ARHGEF10L: variants seen among roughly 807,000 people sequenced by gnomAD.
The protein encoded by ARHGEF10L is Rho guanine nucleotide exchange factor 10 like, also known as rho guanine nucleotide exchange factor 10-like protein.
ARHGEF10L carries 69 observed loss-of-function variants against 141.2 expected under a neutral mutation model. The observed-to-expected ratio is 0.49, with a 90% CI of 0.40 to 0.60. ARHGEF10L has a LOEUF of 0.60. ARHGEF10L is among the 20% of genes least tolerant of loss of function. The pLI, the probability that ARHGEF10L is intolerant of heterozygous loss-of-function variation, is 0.00. For missense variants in ARHGEF10L, 1,482 were observed against 1,734.3 expected (o/e 0.85, Z 2.58); for synonymous variants, 711 against 718.5 (o/e 0.99, Z 0.17).
chr1:17,580,508 C>T (rs777621033), intron 1 of ARHGEF10L, 45 bp from the exon 2 acceptor site: 377 of 1,551,538 alleles, frequency 2.4e-4, no homozygotes, highest in Non-Finnish European at 3.1e-4. Flanking sequence ...GCTGAAACTG[C>T]AGCCCTGACT....
At position 17,656,212 on chromosome 1, in the gene ARHGEF10L, C is replaced by A. The variant is rs964337558; in HGVS notation, c.2705+110C>A. Reference sequence around the variant, plus strand: ...GCCTGTTGCCCACCAACATTCTCTGCCCCTGGTCTCCAGGAAGGTGGGCAC... The same window carrying A: ...GCCTGTTGCCCACCAACATTCTCTGACCCTGGTCTCCAGGAAGGTGGGCAC... On this transcript the variant is annotated intron_variant, in intron 24 of 28. Transcript: ENST00000361221. This position sits in a 1 kb window ranked among gnomAD's most constrained non-coding sequence, Gnocchi z 4.9. 4.2e-5 allele frequency: 54 copies of A among 1,282,448 alleles called. No individual in the cohort carries two copies. In the African/African-American group the frequency reaches 7.6e-4, roughly 18 times the overall value. The allele number at this position is 1,282,448 out of a possible 1,614,324, so 79.4% of individuals were successfully genotyped here.
At chr1:17,539,431 A>G (rs1189707667), upstream of ARHGEF10L, among the ~76,000 whole-genome samples, 1 of 151,378 alleles carries the variant, frequency 6.6e-6, no homozygotes, top group Non-Finnish European at 1.5e-5. The surrounding 1 kb of genome is among the most constrained non-coding windows in gnomAD (Gnocchi z 6.0). Context: ...GGAAGTGGGG[A>G]CCCCGGGGTA....
chr1:17,682,707 A>AG (rs1191110308), intron 26 of ARHGEF10L, among the ~76,000 whole-genome samples: 2 of 152,014 alleles, frequency 1.3e-5, no homozygotes, highest in Non-Finnish European at 2.9e-5. Context: ...ATGGAGGCTG[A>AG]GGGGGCAGGA....
chr1:17,682,932 G>A (rs2064238824), intron 26 of ARHGEF10L, among the ~76,000 whole-genome samples: 2 of 152,154 alleles, frequency 1.3e-5, no homozygotes, highest in Non-Finnish European at 2.9e-5. Context: ...TGGTTGGGAG[G>A]AGAGCAGAGT....
At chr1:17,676,307 G>T (rs575347531) in intron 26 of ARHGEF10L, among the ~76,000 whole-genome samples, 1 of 149,454 alleles carries the variant, frequency 6.7e-6, no homozygotes, top group Admixed American at 6.6e-5. Context: ...GTAGATGCAG[G>T]TGTGGGTACA....
chr1:17,624,244 C>T (rs942904240), intron 12 of ARHGEF10L, 143 bp from the exon 13 acceptor site: 23 of 709,220 alleles, frequency 3.2e-5, no homozygotes, highest in South Asian at 1.7e-4. Flanking sequence ...TTGCACAGCT[C>T]GAGGTCCCAA....
chr1:17,631,863 T>C (rs1313360676), intron 15 of ARHGEF10L, among the ~76,000 whole-genome samples: 3 of 152,252 alleles, frequency 2.0e-5, no homozygotes, highest in African/African-American at 7.2e-5. Flanking sequence ...ATCTGAGCAG[T>C]AGAGGTATCT....
chr1:17,669,846 T>G (rs1342360560), intron 26 of ARHGEF10L, among the ~76,000 whole-genome samples: 1 of 151,794 alleles, frequency 6.6e-6, no homozygotes, highest in African/African-American at 2.4e-5. Context: ...GAGCTCGGAG[T>G]CCAGTGTGCA....
At chr1:17,657,942 G>A (rs1267830715) in intron 25 of ARHGEF10L, among the ~76,000 whole-genome samples, 3 of 152,216 alleles carry the variant, frequency 2.0e-5, no homozygotes, top group Non-Finnish European at 2.9e-5. Flanking sequence ...AGGAGGTGAG[G>A]CTGCCCTGAC....
In ARHGEF10L at chr1:17,627,395, G is replaced by C; in HGVS notation, c.1476G>C (p.Glu492Asp). The part of the protein sequence containing the change: ...DRLSLQLALT[E>D]LETLAEKLNE... ...TGTCGCTGCAGCTGGCCCTCACAGAGCTGGAGACGCTGGCTGAGAAGCTGA... is the reference window on the plus strand; with the variant it reads ...TGTCGCTGCAGCTGGCCCTCACAGACCTGGAGACGCTGGCTGAGAAGCTGA... The change falls in exon 15 of 29, where the codon GAG becomes GAC. Residue 492 changes from glutamate to aspartate, a missense_variant. By Grantham distance (45) the Glu-to-Asp change is conservative. Coordinates refer to ENST00000361221, the MANE Select transcript of ARHGEF10L (RefSeq NM_018125.4). This position sits in a 1 kb window ranked among gnomAD's most constrained non-coding sequence, Gnocchi z 4.0. 5 of 1,614,090 alleles carry C rather than the reference G, an allele frequency of 3.1e-6. No homozygotes were observed. The highest frequency in any genetic ancestry group is 4.2e-6 in the Non-Finnish European group (5 of 1,180,046).
At chr1:17,667,865 A>G (rs951206075) in intron 26 of ARHGEF10L, among the ~76,000 whole-genome samples, 5 of 152,168 alleles carry the variant, frequency 3.3e-5, no homozygotes, top group East Asian at 1.9e-4. Flanking sequence ...CATTGAAGAC[A>G]GCAGCCCTTG....
chr1:17,638,926 C>G (rs947747672), intron 20 of ARHGEF10L, among the ~76,000 whole-genome samples: 51 of 152,216 alleles, frequency 3.4e-4, no homozygotes, highest in African/African-American at 1.2e-3. Context: ...CCTGGATAAG[C>G]CTGGCCCACT....
chr1:17,672,693 C>T (rs1469400361), intron 26 of ARHGEF10L, among the ~76,000 whole-genome samples: 3 of 152,134 alleles, frequency 2.0e-5, no homozygotes, highest in Non-Finnish European at 2.9e-5. Flanking sequence ...CAGGAGGCTC[C>T]GACAAGAACA....
chr1:17,640,371 AG>A (rs2061262123), intron 21 of ARHGEF10L, 69 bp downstream of exon 21: 1 of 1,392,514 alleles, frequency 7.2e-7, no homozygotes, highest in Non-Finnish European at 1.0e-6. Flanking sequence ...GGGGTGAGTG[AG>A]GGTACAGGAT....
intron 7 of ARHGEF10L, among the ~76,000 whole-genome samples, chr1:17,610,790 C>A (rs1414639150): frequency 6.6e-6 from 1 of 152,210 alleles, no homozygotes. Context: ...ACTAATGGAA[C>A]CCCTTCTTCA....
intron 1 of ARHGEF10L, among the ~76,000 whole-genome samples, chr1:17,565,654 T>A (rs935999586): frequency 2.6e-5 from 4 of 152,154 alleles, no homozygotes; most frequent in African/African-American, 7.2e-5. Flanking sequence ...AGGGGATACT[T>A]GATGAATATG....
intron 1 of ARHGEF10L, among the ~76,000 whole-genome samples, chr1:17,564,843 G>A (rs2077685201): frequency 6.6e-6 from 1 of 152,152 alleles, no homozygotes; most frequent in African/African-American, 2.4e-5. Context: ...CACTGACATT[G>A]GGCAACCCAA....
chr1:17,533,398 G>C, the ARHGEF10L span, among the ~76,000 whole-genome samples: 4 of 152,014 alleles, frequency 2.6e-5, no homozygotes, highest in Non-Finnish European at 5.9e-5. Context: ...TTGAACTCTT[G>C]GCCTCAAGCA....
At chr1:17,690,450 G>A (rs558769535) in intron 27 of ARHGEF10L, among the ~76,000 whole-genome samples, 30 of 152,366 alleles carry the variant, frequency 2.0e-4, no homozygotes, top group Admixed American at 5.2e-4. Context: ...ACATTTTGCC[G>A]TCATCGTCTT....
Sources: allele counts gnomAD v4.1 joint callset (sites outside exome capture counted in the v4.1 genomes callset), GRCh38; gene constraint gnomAD v4.1.1; non-coding constraint Gnocchi (gnomAD v3.1); transcripts MANE v1.5; gene names NCBI Gene and HGNC (gene_info 2026-07-23, HGNC 2026-07-21).